The following FAM219A variants were observed in gnomAD, a reference collection of about 807,000 sequenced individuals.
FAM219A encodes family with sequence similarity 219 member A, also known as protein FAM219A.
FAM219A carries 7 observed loss-of-function variants against 23.4 expected under a neutral mutation model. That is an observed-to-expected ratio of 0.30 (90% CI 0.17 to 0.56). FAM219A has a LOEUF of 0.56. Ranked by LOEUF, FAM219A falls within the 20% of genes least tolerant of loss-of-function variation. FAM219A has a pLI of 0.92. For missense variants in FAM219A, 166 were observed against 246.9 expected (o/e 0.67, Z 2.20); for synonymous variants, 93 against 99.0 (o/e 0.94, Z 0.36).
intron 1 of FAM219A, among the ~76,000 whole-genome samples, chr9:34,448,091 G>A (rs867944221): frequency 1.3e-5 from 2 of 152,056 alleles, no homozygotes; most frequent in South Asian, 2.1e-4. Context: ...GGCTGGTCTC[G>A]AATTGATGGC....
Position 34,458,341 on chromosome 9 carries a change from G to A in FAM219A, c.-78C>T. 4 of 1,115,772 alleles carry A rather than the reference G, an allele frequency of 3.6e-6. No homozygotes were observed. The highest frequency in any genetic ancestry group is 4.5e-6 in the Non-Finnish European group (4 of 893,636). The allele number at this position is 1,115,772 out of a possible 1,614,324, so 69.1% of individuals were successfully genotyped here. A position where few individuals can be genotyped will look rare whatever the true frequency, so the allele number is the denominator to read the frequency against. ...GGACCGCGCGGGGCGGCGGCCCCAG[G>A]AGCCCGGCGGGTGGTGCAGACTAGG... On this transcript the variant is annotated 5_prime_UTR_variant, in exon 1 of 6. Coordinates refer to ENST00000651358, the MANE Select transcript of FAM219A (RefSeq NM_001184940.2). This position sits in a 1 kb window ranked among gnomAD's most constrained non-coding sequence, Gnocchi z 6.6.
chr9:34,419,818 A>C (rs1822193737), intron 1 of FAM219A, among the ~76,000 whole-genome samples: 1 of 152,158 alleles, frequency 6.6e-6, no homozygotes, highest in Non-Finnish European at 1.5e-5. Flanking sequence ...AGTCTATGGG[A>C]TTTCTTCCCT....
intron 1 of FAM219A, among the ~76,000 whole-genome samples, chr9:34,446,172 CAAA>C (rs11352681): frequency 5.6e-5 from 6 of 107,942 alleles, no homozygotes; most frequent in African/African-American, 6.4e-5. Flanking sequence ...GACTCTGTCT[CAAA>C]AAAAAAAAAA....
intron 1 of FAM219A, among the ~76,000 whole-genome samples, chr9:34,450,613 T>G (rs1823532167): frequency 6.6e-6 from 1 of 152,124 alleles, no homozygotes; most frequent in African/African-American, 2.4e-5. Flanking sequence ...GGGACGGGAT[T>G]TCAACATCTT....
intron 1 of FAM219A, among the ~76,000 whole-genome samples, chr9:34,428,835 T>C (rs1199882062): frequency 1.3e-5 from 2 of 152,184 alleles, no homozygotes; most frequent in East Asian, 3.8e-4. Flanking sequence ...CCTTGTGCAT[T>C]AAAAGAGCCT....
Position 34,458,503 on chromosome 9 carries a change from C to T in FAM219A, c.-240G>A, listed in dbSNP as rs531962026. On this transcript the variant is annotated 5_prime_UTR_variant, in exon 1 of 6. Transcript: ENST00000651358. The surrounding 1 kb of genome is among the most constrained non-coding windows in gnomAD (Gnocchi z 6.6). ...TACCGCGGCTGTGGCCGGGCCGAGC[C>T]GCAGGTCTTGCCTCGCCTCCTACTC... 1 of 375,606 alleles carries T rather than the reference C, an allele frequency of 2.7e-6. No individual in the cohort carries two copies. The highest frequency in any genetic ancestry group is 4.8e-6 in the Non-Finnish European group (1 of 208,618). 23.3% of individuals were successfully genotyped at this position (375,606 alleles called of 1,614,324 possible). A position where few individuals can be genotyped will look rare whatever the true frequency, so the allele number is the denominator to read the frequency against.
chr9:34,421,685 C>T (rs1351219070), intron 1 of FAM219A, among the ~76,000 whole-genome samples: 1 of 151,664 alleles, frequency 6.6e-6, no homozygotes, highest in Non-Finnish European at 1.5e-5. Flanking sequence ...CTGAGTACAC[C>T]CCCCTGCCAC....
intron 1 of FAM219A, among the ~76,000 whole-genome samples, chr9:34,454,197 G>A (rs943436934): frequency 2.6e-5 from 4 of 152,204 alleles, no homozygotes; most frequent in Admixed American, 6.5e-5. Context: ...CAGCACTTTG[G>A]GAGGCCAAAG....
chr9:34,401,814 T>TC lies in FAM219A; in HGVS notation c.345-95dup. The TC allele has an allele frequency of 4.5e-6, 6 of 1,328,354 alleles. No individual in the cohort carries two copies. In the South Asian group the frequency reaches 7.6e-5, roughly 17 times the overall value. 82.3% of individuals were successfully genotyped at this position (1,328,354 alleles called of 1,614,324 possible). On this transcript the variant is annotated intron_variant, in intron 4 of 5. Coordinates refer to ENST00000651358, the MANE Select transcript of FAM219A (RefSeq NM_001184940.2). ...CTCCCATTAGGCAGCATCCTATACC[T>TC]CCCTTACAGTTCCAAATAGCAAAAT...
Position 34,458,501 on chromosome 9 carries a change from G to T in FAM219A, c.-238C>A. 1 of 376,008 alleles carries T rather than the reference G, an allele frequency of 2.7e-6. No individual in the cohort carries two copies. The highest frequency in any genetic ancestry group is 4.8e-6 in the Non-Finnish European group (1 of 208,892). 23.3% of individuals were successfully genotyped at this position (376,008 alleles called of 1,614,324 possible). A position where few individuals can be genotyped will look rare whatever the true frequency, so the allele number is the denominator to read the frequency against. On this transcript the variant is annotated 5_prime_UTR_variant, in exon 1 of 6. Coordinates refer to ENST00000651358, the MANE Select transcript of FAM219A (RefSeq NM_001184940.2). The surrounding 1 kb of genome is among the most constrained non-coding windows in gnomAD (Gnocchi z 6.6). Reference sequence around the variant, plus strand: ...ACTACCGCGGCTGTGGCCGGGCCGAGCCGCAGGTCTTGCCTCGCCTCCTAC... The same window carrying T: ...ACTACCGCGGCTGTGGCCGGGCCGATCCGCAGGTCTTGCCTCGCCTCCTAC...
intron 1 of FAM219A, among the ~76,000 whole-genome samples, chr9:34,442,394 G>C (rs1588069494): frequency 1.3e-5 from 2 of 152,308 alleles, no homozygotes; most frequent in African/African-American, 2.4e-5. Flanking sequence ...GATTAAAAGA[G>C]ACATATCAGG....
intron 1 of FAM219A, among the ~76,000 whole-genome samples, chr9:34,410,635 C>A (rs1402790618): frequency 6.6e-6 from 1 of 152,202 alleles, no homozygotes; most frequent in Non-Finnish European, 1.5e-5. Flanking sequence ...TTATACTCCT[C>A]CTCCACTGGG....
At chr9:34,402,586 A>C (rs1821487833) in intron 3 of FAM219A, 119 bp from the exon 4 acceptor site, 2 of 1,555,794 alleles carry the variant, frequency 1.3e-6, no homozygotes, top group Admixed American at 1.8e-5. Context: ...GATCCTGTTA[A>C]GGCTGTCTCC....
In FAM219A at chr9:34,400,947, C is replaced by T. The variant is rs764008191; in HGVS notation, c.*17G>A. On this transcript the variant is annotated 3_prime_UTR_variant, in exon 6 of 6. Transcript: ENST00000651358. ...CCCTTGGCGGCCCCGCCCCGGCGAC[C>T]GCAGTGGCCCCGCCCGCTACTGAAT... is the stretch of plus-strand genomic sequence containing the variant. 5.3e-6 allele frequency: 8 copies of T among 1,513,786 alleles called. No homozygotes were observed. In the East Asian group the frequency reaches 1.2e-4, roughly 23 times the overall value. 93.8% of individuals were successfully genotyped at this position (1,513,786 alleles called of 1,614,324 possible). A position where few individuals can be genotyped will look rare whatever the true frequency, so the allele number is the denominator to read the frequency against.
chr9:34,454,468 G>A (rs1208477342), intron 1 of FAM219A, among the ~76,000 whole-genome samples: 1 of 152,164 alleles, frequency 6.6e-6, no homozygotes, highest in East Asian at 1.9e-4. Context: ...GAGACAGGAA[G>A]AGACCCTGGG....
At chr9:34,406,489 C>T in intron 1 of FAM219A, 7 of 985,416 alleles carry the variant, frequency 7.1e-6, no homozygotes, top group Non-Finnish European at 8.4e-6. Context: ...TTCAAGGCTA[C>T]AGCCACTGGA....
At chr9:34,451,088 T>C (rs1288387233) in intron 1 of FAM219A, among the ~76,000 whole-genome samples, 1 of 152,188 alleles carries the variant, frequency 6.6e-6, no homozygotes, top group East Asian at 1.9e-4. Flanking sequence ...CTCCTGAGAA[T>C]GTAAAGCCTA....
intron 1 of FAM219A, among the ~76,000 whole-genome samples, chr9:34,418,934 G>A (rs1203012776): frequency 1.3e-5 from 2 of 152,070 alleles, no homozygotes; most frequent in Non-Finnish European, 2.9e-5. Flanking sequence ...AATTAGCCAG[G>A]TGTAGTGTTG....
At position 34,405,922 on chromosome 9, in the gene FAM219A, G is replaced by A. The variant is rs766380093; in HGVS notation, c.103C>T (p.Arg35Trp). 3.7e-6 allele frequency: 6 copies of A among 1,613,400 alleles called. No homozygotes were observed. Among genetic ancestry groups the A allele is most frequent in the East Asian group, 4.5e-5 (2 of 44,858 alleles). The change falls in exon 2 of 6, where the codon CGG becomes TGG. Residue 35 changes from arginine to tryptophan, a missense_variant. By Grantham distance (101) the Arg-to-Trp change is moderately radical (BLOSUM62 -3). Transcript: ENST00000651358. The part of the protein sequence containing the change: ...ASISDGDCDA[R>W]EGESVAMNYK... The stretch of plus-strand genomic sequence containing the variant: ...TTCATGGCTACTGACTCACCCTCCC[G>A]GGCGTCACAGTCTCCGTCAGAGATG...
Sources: allele counts gnomAD v4.1 joint callset (sites outside exome capture counted in the v4.1 genomes callset), GRCh38; gene constraint gnomAD v4.1.1; non-coding constraint Gnocchi (gnomAD v3.1); transcripts MANE v1.5; gene names NCBI Gene and HGNC (gene_info 2026-07-23, HGNC 2026-07-21).